The following RAD18 variants were observed in gnomAD, a reference collection of about 807,000 sequenced individuals.
RAD18 encodes E3 ubiquitin-protein ligase RAD18.
A neutral mutation model predicts 60.4 loss-of-function variants in RAD18; 47 were observed. The observed-to-expected ratio is 0.78, with a 90% CI of 0.62 to 0.99. RAD18 has a LOEUF of 0.99. Among genes scored for constraint, RAD18 ranks in the 50% least tolerant of loss-of-function variants. The pLI is 0.00. For synonymous variants in RAD18, 225 were observed against 195.5 expected (o/e 1.15, Z -1.26); for missense variants, 640 against 593.3 (o/e 1.08, Z -0.82).
At chr3:8,900,939 A>C (rs1446409501) in intron 10 of RAD18, among the ~76,000 whole-genome samples, 1 of 152,230 alleles carries the variant, frequency 6.6e-6, no homozygotes, top group African/African-American at 2.4e-5. Context: ...TAATTAAAAA[A>C]ACTTTTCTTA....
intron 7 of RAD18, among the ~76,000 whole-genome samples, chr3:8,917,172 G>A (rs1940215723): frequency 1.3e-5 from 2 of 152,064 alleles, no homozygotes; most frequent in African/African-American, 4.8e-5. Flanking sequence ...CATCTTTAAA[G>A]CATTAGAAAA....
At chr3:8,949,679 G>GGC (rs1337567132) in intron 2 of RAD18, among the ~76,000 whole-genome samples, 1 of 152,092 alleles carries the variant, frequency 6.6e-6, no homozygotes, top group African/African-American at 2.4e-5. Context: ...GAGAGAGGGG[G>GGC]GTAATACAGA....
intron 2 of RAD18, among the ~76,000 whole-genome samples, chr3:8,957,402 T>C (rs183519569): frequency 6.6e-6 from 1 of 152,306 alleles, no homozygotes; most frequent in East Asian, 1.9e-4. Context: ...GGACTTACAA[T>C]GCCTGACTTC....
At chr3:8,914,189 C>A (rs973517080) in intron 7 of RAD18, among the ~76,000 whole-genome samples, 3 of 152,168 alleles carry the variant, frequency 2.0e-5, no homozygotes, top group African/African-American at 7.2e-5. Context: ...AGGTATGTTA[C>A]CAATCCAATT....
intron 10 of RAD18, among the ~76,000 whole-genome samples, chr3:8,900,117 A>G (rs181505977): frequency 6.6e-6 from 1 of 152,368 alleles, no homozygotes; most frequent in Admixed American, 6.5e-5. Context: ...AGAGAACAGC[A>G]TACTTCACAA....
intron 12 of RAD18, among the ~76,000 whole-genome samples, chr3:8,885,765 C>T (rs538981381): frequency 6.6e-6 from 1 of 152,324 alleles, no homozygotes; most frequent in African/African-American, 2.4e-5. Flanking sequence ...TAATGCATGT[C>T]CTAATGCATG....
intron 11 of RAD18, among the ~76,000 whole-genome samples, chr3:8,892,536 T>G (rs758443730): frequency 2.6e-5 from 4 of 152,198 alleles, no homozygotes; most frequent in Non-Finnish European, 5.9e-5. Flanking sequence ...GCTTTTAGCC[T>G]TATTTTCAGG....
chr3:8,934,474 A>T (rs953230080), intron 7 of RAD18, among the ~76,000 whole-genome samples: 1 of 152,246 alleles, frequency 6.6e-6, no homozygotes, highest in Non-Finnish European at 1.5e-5. Flanking sequence ...GGACATCCAG[A>T]TGGCCAACAA....
intron 7 of RAD18, 111 bp from the exon 8 acceptor site, chr3:8,913,831 G>A (rs1251149803): frequency 3.5e-6 from 2 of 563,770 alleles, no homozygotes; most frequent in Non-Finnish European, 5.8e-6. Context: ...GGGTATATGT[G>A]AACTCCCTGA....
chr3:8,939,583 T>G lies in RAD18; in HGVS notation c.675A>C (p.Ser225=). 1.2e-6 allele frequency: 2 copies of G among 1,613,096 alleles called. No individual in the cohort carries two copies. The highest frequency in any genetic ancestry group is 1.7e-6 in the Non-Finnish European group (2 of 1,179,280). Residue 225 remains serine, a synonymous_variant, in exon 6 of 13, where the codon TCA becomes TCC. Coordinates refer to ENST00000264926, the MANE Select transcript of RAD18 (RefSeq NM_020165.4). ...HINKHLDSCL[S]REEKKESLRS... ...TGAGGCTTTCCTTCTTCTCTTCGCG[T>G]GATAAACAGCTGTCTAAATGCTTAT...
intron 7 of RAD18, among the ~76,000 whole-genome samples, chr3:8,919,200 A>C (rs1361742398): frequency 6.6e-6 from 1 of 152,202 alleles, no homozygotes; most frequent in East Asian, 1.9e-4. Context: ...CATCATTAGA[A>C]CCACAGCCTA....
intron 12 of RAD18, among the ~76,000 whole-genome samples, chr3:8,886,905 G>C (rs1241686038): frequency 6.6e-6 from 1 of 152,190 alleles, no homozygotes; most frequent in Non-Finnish European, 1.5e-5. Context: ...AGCCAGGTAG[G>C]CTGGGGCCAG....
At chr3:8,933,809 A>G (rs1940604126) in intron 7 of RAD18, among the ~76,000 whole-genome samples, 1 of 152,352 alleles carries the variant, frequency 6.6e-6, no homozygotes, top group East Asian at 1.9e-4. Flanking sequence ...AAAAACTTAT[A>G]TGGAAATACA....
At chr3:8,952,464 C>A (rs1055936810) in intron 2 of RAD18, among the ~76,000 whole-genome samples, 3 of 152,176 alleles carry the variant, frequency 2.0e-5, no homozygotes, top group African/African-American at 7.2e-5. Flanking sequence ...CTTAGTTTCC[C>A]AGGCTGTATC....
chr3:8,950,871 T>C (rs1346170919), intron 2 of RAD18, among the ~76,000 whole-genome samples: 4 of 152,140 alleles, frequency 2.6e-5, no homozygotes, highest in Non-Finnish European at 5.9e-5. Flanking sequence ...AGAACCGCTA[T>C]AACAGAATGC....
intron 7 of RAD18, among the ~76,000 whole-genome samples, chr3:8,915,278 C>T (rs187053088): frequency 5.9e-5 from 9 of 151,974 alleles, no homozygotes; most frequent in East Asian, 1.9e-4. Context: ...ACCCTAATGA[C>T]GAGAAAAAGC....
rs757079832 is a variant in RAD18, at chr3:8,890,463, T to G, written c.1323-12A>C. 32 of 1,552,736 alleles carry G rather than the reference T, an allele frequency of 2.1e-5. No individual in the cohort carries two copies. The African/African-American group carries it at 3.5e-4, about 17-fold the overall frequency. On this transcript the variant is annotated splice_polypyrimidine_tract_variant and intron_variant, in intron 11 of 12. Coordinates refer to ENST00000264926, the MANE Select transcript of RAD18 (RefSeq NM_020165.4). The stretch of plus-strand genomic sequence containing the variant: ...TGTCTGAACTGGAACTAAAAGGATA[T>G]GTACATCAGTATTGACAGACAACAA...
chr3:8,934,256 G>C (rs1940613217), intron 7 of RAD18, among the ~76,000 whole-genome samples: 1 of 152,138 alleles, frequency 6.6e-6, no homozygotes, highest in African/African-American at 2.4e-5. Context: ...CTGATCAAAA[G>C]GAAAAATGTA....
At chr3:8,883,937 G>A (rs775219182) in intron 12 of RAD18, among the ~76,000 whole-genome samples, 2 of 152,146 alleles carry the variant, frequency 1.3e-5, no homozygotes, top group African/African-American at 4.8e-5. Context: ...TCCAAGTCAG[G>A]TAAAGTAAAG....
Sources: gnomAD v4.1 joint callset for allele counts (sites outside exome capture counted in the v4.1 genomes callset) on GRCh38, gnomAD v4.1.1 for gene constraint, MANE v1.5 for transcripts, NCBI Gene and HGNC (gene_info 2026-07-23, HGNC 2026-07-21) for gene names.